Variants in AHRR observed in about 807,000 individuals in gnomAD.
AHRR encodes aryl hydrocarbon receptor repressor.
In AHRR, 28 loss-of-function variants were observed where a neutral mutation model predicts 44.0. That is an observed-to-expected ratio of 0.64 (90% CI 0.47 to 0.87). The LOEUF (loss-of-function observed/expected upper bound fraction) is 0.87, where lower values mean the gene tolerates loss of function less well. Among genes scored for constraint, AHRR ranks in the 40% least tolerant of loss-of-function variants. The probability of loss-of-function intolerance (pLI) is 0.00; values close to 1 mark genes in which losing one functional copy is unlikely to be tolerated. For synonymous variants in AHRR, 434 were observed against 407.0 expected (o/e 1.07, Z -0.80); for missense variants, 990 against 953.9 (o/e 1.04, Z -0.50).
intron 1 of AHRR, among the ~76,000 whole-genome samples, chr5:324,159 A>C (rs961484575): frequency 6.6e-6 from 1 of 151,534 alleles, no homozygotes; most frequent in African/African-American, 2.4e-5. Context: ...TCCCAGGTTC[A>C]AGCAATTCTC....
chr5:335,484 G>A (rs1417968188), intron 1 of AHRR, among the ~76,000 whole-genome samples: 2 of 152,124 alleles, frequency 1.3e-5, no homozygotes, highest in Non-Finnish European at 2.9e-5. Context: ...CAGGTCGCTG[G>A]ATCCCACACT....
chr5:436,279 C>A lies in AHRR; in HGVS notation c.*1445C>A, dbSNP rs1737058382. The A allele has an allele frequency of 6.6e-6, 1 of 152,548 alleles. No individual in the cohort carries two copies. The highest frequency in any genetic ancestry group is 2.1e-4 in the South Asian group (1 of 4,850). The allele number at this position is 152,548 out of a possible 1,614,324, so 9.4% of individuals were successfully genotyped here. A position where few individuals can be genotyped will look rare whatever the true frequency, so the allele number is the denominator to read the frequency against. ...GTGAGGGACCCACCACCCCTAGGGA[C>A]CCACCACCCCGCCGCACTGTGCATT... On this transcript the variant is annotated 3_prime_UTR_variant, in exon 11 of 11. Coordinates refer to ENST00000684583, the MANE Select transcript of AHRR (RefSeq NM_001377236.1).
At position 432,908 on chromosome 5, in the gene AHRR, G is replaced by T. The variant is rs776089619; in HGVS notation, c.1073G>T (p.Gly358Val). ...PARAPCLCLR[G>V]GPDLVLDPKG... ...AGGGCCCCATGCCTGTGCCTCCGGG[G>T]TGGCCCTGACCTTGTCCTTGACCCC... is the stretch of plus-strand genomic sequence containing the variant. Residue 358 changes from glycine to valine, a missense_variant, in exon 10 of 11, where the codon GGT (glycine) becomes GTT (valine). Physicochemically the swap from Gly to Val is moderately radical, Grantham distance 109 (BLOSUM62 -3). Coordinates refer to ENST00000684583, the MANE Select transcript of AHRR (RefSeq NM_001377236.1). The T allele has an allele frequency of 6.2e-7, 1 of 1,613,322 alleles. No individual in the cohort carries two copies. Among genetic ancestry groups the T allele is most frequent in the Non-Finnish European group, 8.5e-7 (1 of 1,179,894 alleles).
rs1199782858 is a variant in AHRR, at chr5:395,411, TC to T, written c.352-17932del. Among the ~76,000 whole-genome samples, 1 of 152,158 alleles carries T rather than the reference TC, an allele frequency of 6.6e-6. No homozygotes were observed. Among genetic ancestry groups the T allele is most frequent in the East Asian group, 1.9e-4 (1 of 5,188 alleles). On this transcript the variant is annotated intron_variant, in intron 4 of 10. Coordinates refer to ENST00000684583, the MANE Select transcript of AHRR (RefSeq NM_001377236.1). This position sits in a 1 kb window ranked among gnomAD's most constrained non-coding sequence, Gnocchi z 5.3. ...GTGGCAAACAGGAAGGGCAGCTGAC[TC>T]ACCAGCCCAGAGCAGGGGAATCTCA...
At chr5:331,735 C>T (rs1278040533) in intron 1 of AHRR, among the ~76,000 whole-genome samples, 3 of 152,196 alleles carry the variant, frequency 2.0e-5, no homozygotes, top group Non-Finnish European at 4.4e-5. Flanking sequence ...CCTGTCAGAT[C>T]AGCAGCAGCA....
intron 4 of AHRR, among the ~76,000 whole-genome samples, chr5:384,767 A>G (rs892642629): frequency 9.2e-5 from 14 of 152,334 alleles, no homozygotes; most frequent in African/African-American, 2.9e-4. Context: ...AATAGTATAC[A>G]TATTTTCCCA....
intron 8 of AHRR, among the ~76,000 whole-genome samples, chr5:431,569 T>C (rs562361703): frequency 5.3e-5 from 8 of 152,282 alleles, no homozygotes; most frequent in African/African-American, 9.6e-5. Flanking sequence ...ATCAGAGCCC[T>C]GAGGCAGTGG....
intron 3 of AHRR, among the ~76,000 whole-genome samples, chr5:366,035 G>A (rs1435586998): frequency 3.3e-5 from 5 of 152,032 alleles, no homozygotes; most frequent in African/African-American, 7.3e-5. Context: ...GAATATGTAC[G>A]TAAAATGTGT....
chr5:354,625 G>A (rs946935797), intron 3 of AHRR, among the ~76,000 whole-genome samples: 7 of 152,216 alleles, frequency 4.6e-5, no homozygotes, highest in South Asian at 2.1e-4. Flanking sequence ...TTGCTGTTGC[G>A]GGAGGGTGGG....
intron 8 of AHRR, among the ~76,000 whole-genome samples, chr5:430,097 AGGCGCGTTGG>A (rs1347493457): frequency 4.9e-4 from 75 of 152,336 alleles, no homozygotes; most frequent in African/African-American, 1.8e-3. Flanking sequence ...CTGCTGTGGC[AGGCGCGTTGG>A]GGTGATCTTA....
intron 4 of AHRR, among the ~76,000 whole-genome samples, chr5:400,341 TC>T (rs1560908882): frequency 6.6e-6 from 1 of 152,142 alleles, no homozygotes; most frequent in Non-Finnish European, 1.5e-5. Context: ...TTCCCTGCGG[TC>T]CCTGGGGGAG....
rs7709817 is a variant in AHRR at position 411,546 on chromosome 5, A to C, written c.352-1798A>C. On this transcript the variant is annotated intron_variant, in intron 4 of 10. Transcript: ENST00000684583. The surrounding 1 kb of genome is among the most constrained non-coding windows in gnomAD (Gnocchi z 4.2). ...CATGACATACATAGGGCAGTTTTCCAAAGAAGAAATACAAGTTACCAGTGA... is the reference window on the plus strand; with the variant it reads ...CATGACATACATAGGGCAGTTTTCCCAAGAAGAAATACAAGTTACCAGTGA... Among the ~76,000 whole-genome samples the C allele has an allele frequency of 3.1e-3, 476 of 152,304 alleles. 2 individuals carry two copies. Among genetic ancestry groups the C allele is most frequent in the African/African-American group, 0.011 (437 of 41,572 alleles).
chr5:403,964 A>G (rs1047562229), intron 4 of AHRR: 9 of 1,331,402 alleles, frequency 6.8e-6, no homozygotes. Flanking sequence ...TTATTTTCTG[A>G]CTCGTCTACA....
At chr5:378,726 T>C (rs1004964137) in intron 4 of AHRR, among the ~76,000 whole-genome samples, 17 of 152,152 alleles carry the variant, frequency 1.1e-4, no homozygotes, top group African/African-American at 3.4e-4. Context: ...GGCCCTGAGC[T>C]CCCTGCACAA....
rs556933679 is a variant in AHRR, at chr5:434,589, G to A, written c.1849G>A (p.Ala617Thr). Residue 617 changes from alanine to threonine, a missense_variant, in exon 11 of 11, where the codon GCC (alanine) becomes ACC (threonine). Transcript: ENST00000684583. ...ELTPFHPAHCACLEPTDGLPQ... is the reference protein window; with the variant it reads ...ELTPFHPAHCTCLEPTDGLPQ... ...GACCCCTTTCCACCCTGCACACTGT[G>A]CCTGCCTGGAGCCCACAGACGGCCT... The A allele has an allele frequency of 1.3e-6, 2 of 1,573,910 alleles. No individual in the cohort carries two copies. Among genetic ancestry groups the A allele is most frequent in the Non-Finnish European group, 1.7e-6 (2 of 1,160,110 alleles).
At chr5:416,185 C>T (rs192407825) in intron 5 of AHRR, among the ~76,000 whole-genome samples, 2 of 152,350 alleles carry the variant, frequency 1.3e-5, no homozygotes, top group East Asian at 3.9e-4. Context: ...AGAGGGAACA[C>T]CGTGCAGTGG....
chr5:389,121 G>A (rs1734295775), intron 4 of AHRR, among the ~76,000 whole-genome samples: 3 of 151,502 alleles, frequency 2.0e-5, no homozygotes, highest in Admixed American at 6.6e-5. Flanking sequence ...GCCGCCCCAT[G>A]AGCCAGGTGG....
chr5:408,885 C>G (rs1291438832), intron 4 of AHRR, among the ~76,000 whole-genome samples: 1 of 152,140 alleles, frequency 6.6e-6, no homozygotes, highest in Non-Finnish European at 1.5e-5. Flanking sequence ...AGCTTGGTAT[C>G]TCTAATGGGG....
chr5:350,644 C>T (rs1380540591), intron 2 of AHRR, among the ~76,000 whole-genome samples: 2 of 152,064 alleles, frequency 1.3e-5, no homozygotes, highest in Non-Finnish European at 2.9e-5. Flanking sequence ...CTTGGGTGTC[C>T]TTCACTGACA....
Sources: allele counts gnomAD v4.1 joint callset (sites outside exome capture counted in the v4.1 genomes callset), GRCh38; gene constraint gnomAD v4.1.1; non-coding constraint Gnocchi (gnomAD v3.1); transcripts MANE v1.5; gene names NCBI Gene and HGNC (gene_info 2026-07-23, HGNC 2026-07-21).